Variants in ANXA6 observed in about 807,000 individuals in gnomAD.
ANXA6 encodes the protein 67 kDa calelectrin.
ANXA6 carries 71 observed loss-of-function variants against 95.4 expected under a neutral mutation model. That is an observed-to-expected ratio of 0.74 (90% CI 0.61 to 0.91). ANXA6 has a LOEUF of 0.91. ANXA6 is among the 40% of genes least tolerant of loss of function. The pLI is 0.00. For missense variants in ANXA6, 830 were observed against 876.4 expected (o/e 0.95, Z 0.67); for synonymous variants, 289 against 315.9 (o/e 0.91, Z 0.90).
chr5:151,133,611 G>A (rs1043195687), intron 8 of ANXA6, among the ~76,000 whole-genome samples: 8 of 152,176 alleles, frequency 5.3e-5, no homozygotes, highest in African/African-American at 1.9e-4. Context: ...TAATCTTATA[G>A]GACTAGCATC....
intron 7 of ANXA6, among the ~76,000 whole-genome samples, chr5:151,134,975 C>A (rs1388105952): frequency 1.3e-5 from 2 of 152,248 alleles, no homozygotes; most frequent in South Asian, 2.1e-4. Flanking sequence ...TCTGAGCTCA[C>A]AAGCTACAAA....
chr5:151,117,327 G>C (rs1003460456), intron 19 of ANXA6, 147 bp from the exon 20 acceptor site: 6 of 718,806 alleles, frequency 8.3e-6, no homozygotes, highest in South Asian at 2.3e-5. Flanking sequence ...CTATAAGGTA[G>C]GCTGTTGTGG....
chr5:151,135,904 T>G (rs1765645412), intron 7 of ANXA6, among the ~76,000 whole-genome samples: 2 of 152,146 alleles, frequency 1.3e-5, no homozygotes, highest in Admixed American at 1.3e-4. Context: ...TGTGATATAC[T>G]TTGGGCGGGC....
At chr5:151,151,477 T>A (rs1766104366) in intron 1 of ANXA6, 1 of 151,994 alleles carries the variant, frequency 6.6e-6, no homozygotes, top group African/African-American at 2.4e-5. Context: ...TCATAACAAG[T>A]CCCCACACAA....
At chr5:151,140,837 C>T (rs1420033546) in intron 2 of ANXA6, among the ~76,000 whole-genome samples, 1 of 152,216 alleles carries the variant, frequency 6.6e-6, no homozygotes, top group Non-Finnish European at 1.5e-5. Context: ...AGAAGCCAAG[C>T]CCAAAGAAGA....
At chr5:151,117,414 G>C (rs534069394) in intron 19 of ANXA6, among the ~76,000 whole-genome samples, 1 of 152,334 alleles carries the variant, frequency 6.6e-6, no homozygotes, top group African/African-American at 2.4e-5. Flanking sequence ...CTGTCAATGA[G>C]GGTCTGCCAT....
chr5:151,104,809 G>A (rs116743676), intron 24 of ANXA6, among the ~76,000 whole-genome samples: 2,042 of 152,220 alleles, frequency 0.013, 29 homozygotes, highest in Middle Eastern at 0.051. Context: ...CTGTGTCCCC[G>A]GATAGATTGT....
chr5:151,114,501 C>G (rs1326223979), intron 20 of ANXA6, among the ~76,000 whole-genome samples: 2 of 151,160 alleles, frequency 1.3e-5, no homozygotes, highest in Non-Finnish European at 2.9e-5. Flanking sequence ...GTAATCCCAG[C>G]TACTTGGGAG....
chr5:151,108,131 T>C (rs556215667), intron 23 of ANXA6, among the ~76,000 whole-genome samples: 14 of 152,200 alleles, frequency 9.2e-5, no homozygotes, highest in African/African-American at 2.9e-4. Context: ...GTGTCTTGTA[T>C]ATGTTAGGTG....
chr5:151,105,105 A>G lies in ANXA6; in HGVS notation c.1839+140T>C, dbSNP rs2113891096. 3 of 818,976 alleles carry G rather than the reference A, an allele frequency of 3.7e-6. No individual in the cohort carries two copies. The East Asian group carries it at 8.0e-5, about 22-fold the overall frequency. 50.7% of individuals were successfully genotyped at this position (818,976 alleles called of 1,614,324 possible). On this transcript the variant is annotated intron_variant, in intron 24 of 25. Coordinates refer to ENST00000354546, the MANE Select transcript of ANXA6 (RefSeq NM_001155.5). ...GGGAAATACCATCCTAGAGCCAGAC[A>G]AGGGCAGATGCTAATAAATGTCAAA...
At position 151,101,071 on chromosome 5, in the gene ANXA6, C is replaced by G; in HGVS notation, c.*377G>C. 1 of 479,890 alleles carries G rather than the reference C, an allele frequency of 2.1e-6. No individual in the cohort carries two copies. The highest frequency in any genetic ancestry group is 4.1e-6 in the Non-Finnish European group (1 of 243,416). The allele number at this position is 479,890 out of a possible 1,614,324, so 29.7% of individuals were successfully genotyped here. A position where few individuals can be genotyped will look rare whatever the true frequency, so the allele number is the denominator to read the frequency against. On this transcript the variant is annotated 3_prime_UTR_variant, in exon 26 of 26. Transcript: ENST00000354546. ...CAGCACATTCAACTGGCCCCTGCCACCAACCCCCTCATTCAAAGTACAGAC... is the reference window on the plus strand; with the variant it reads ...CAGCACATTCAACTGGCCCCTGCCAGCAACCCCCTCATTCAAAGTACAGAC...
In ANXA6 at chr5:151,124,340, C is replaced by G; in HGVS notation, c.1084G>C (p.Asp362His). Reference sequence around the variant, plus strand: ...TTGGCATCTGCGTCAGGGTTGAAGTCATTGGCTGGGCGCACAGTTCCCTTC... The same window carrying G: ...TTGGCATCTGCGTCAGGGTTGAAGTGATTGGCTGGGCGCACAGTTCCCTTC... ...ELKGTVRPAN[D>H]FNPDADAKAL... The change falls in exon 15 of 26, where the codon GAC becomes CAC. Residue 362 changes from aspartate to histidine, a missense_variant. By Grantham distance (81) the Asp-to-His change is moderately conservative. Coordinates refer to ENST00000354546, the MANE Select transcript of ANXA6 (RefSeq NM_001155.5). The G allele has an allele frequency of 6.2e-7, 1 of 1,612,976 alleles. No individual in the cohort carries two copies. Among genetic ancestry groups the G allele is most frequent in the Non-Finnish European group, 8.5e-7 (1 of 1,179,564 alleles).
intron 23 of ANXA6, 51 bp from the exon 24 acceptor site, chr5:151,105,354 C>CCAGA: frequency 6.4e-7 from 1 of 1,557,480 alleles, no homozygotes; most frequent in East Asian, 2.2e-5. Context: ...GGCTGTGAAC[C>CCAGA]CAGACTCTGG....
chr5:151,118,300 C>T (rs1304381368), intron 18 of ANXA6, among the ~76,000 whole-genome samples: 1 of 150,846 alleles, frequency 6.6e-6, no homozygotes, highest in East Asian at 1.9e-4. Context: ...CACTCTGTCA[C>T]CCAGGCTGGA....
chr5:151,157,347 G>GC (rs972740663), intron 1 of ANXA6, among the ~76,000 whole-genome samples: 2 of 151,806 alleles, frequency 1.3e-5, no homozygotes, highest in Admixed American at 6.6e-5. Flanking sequence ...AGTCTCTTGA[G>GC]CCCCCCCAAA....
At chr5:151,104,384 G>A (rs148215744) in intron 24 of ANXA6, among the ~76,000 whole-genome samples, 133 of 152,340 alleles carry the variant, frequency 8.7e-4, no homozygotes, top group African/African-American at 3.1e-3. Context: ...CCCAGGGAGC[G>A]ACAAGCACCA....
chr5:151,129,674 C>CT (rs1387291165), intron 11 of ANXA6, 145 bp from the exon 12 acceptor site: 5 of 896,760 alleles, frequency 5.6e-6, no homozygotes, highest in Middle Eastern at 3.5e-4. Flanking sequence ...CCCATTGAAG[C>CT]TCTCTCTATG....
intron 2 of ANXA6, among the ~76,000 whole-genome samples, chr5:151,145,069 G>A (rs907431286): frequency 1.7e-4 from 26 of 152,132 alleles, no homozygotes; most frequent in Non-Finnish European, 3.7e-4. Context: ...ACAGGTTCCC[G>A]GCTGCGGGAA....
At position 151,101,330 on chromosome 5, in the gene ANXA6, A is replaced by ACCCCGCCCCCCC; in HGVS notation, c.*117_*118insGGGGGGGCGGGG. Reference sequence around the variant, plus strand: ...CCACTGAAGATAAGAGCCCAACCCAACCCCTCCCCCCACCCCTGCCCCTTC... The same window carrying ACCCCGCCCCCCC: ...CCACTGAAGATAAGAGCCCAACCCAACCCCGCCCCCCCCCCCTCCCCCCACCCCTGCCCCTTC... On this transcript the variant is annotated 3_prime_UTR_variant, in exon 26 of 26. Coordinates refer to ENST00000354546, the MANE Select transcript of ANXA6 (RefSeq NM_001155.5). The ACCCCGCCCCCCC allele has an allele frequency of 2.6e-6, 1 of 385,870 alleles. No homozygotes were observed. The highest frequency in any genetic ancestry group is 5.2e-6 in the Non-Finnish European group (1 of 190,630). 23.9% of individuals were successfully genotyped at this position (385,870 alleles called of 1,614,324 possible).
Sources: allele counts gnomAD v4.1 joint callset (sites outside exome capture counted in the v4.1 genomes callset), GRCh38; gene constraint gnomAD v4.1.1; transcripts MANE v1.5; gene names NCBI Gene and HGNC (gene_info 2026-07-23, HGNC 2026-07-21).